The following LAGE3 variants were observed in gnomAD, a reference collection of about 807,000 sequenced individuals.
LAGE3 encodes the protein EKC/KEOPS complex subunit LAGE3.
Under a neutral mutation model 4.4 loss-of-function variants are expected in LAGE3, and 2 were observed. The observed-to-expected ratio is 0.46, with a 90% CI of 0.19 to 1.44. The LOEUF (loss-of-function observed/expected upper bound fraction) is 1.44. LAGE3 is among the 40% of genes most tolerant of loss of function. The pLI is 0.26. For missense variants in LAGE3, 152 were observed against 138.1 expected (o/e 1.10, Z -0.51); for synonymous variants, 79 against 60.0 (o/e 1.32, Z -1.47).
chrX:154,478,626 C>A (rs2069253155), intron 1 of LAGE3, 102 bp downstream of exon 1: 1 of 764,704 alleles, frequency 1.3e-6, no homozygotes, highest in African/African-American at 2.2e-5. Flanking sequence ...CCCCGGTCCC[C>A]CCCTGCTACC....
intron 2 of LAGE3, 39 bp from the exon 3 acceptor site, chrX:154,478,097 C>T (rs2069249453): frequency 8.8e-7 from 1 of 1,137,323 alleles, no homozygotes; most frequent in Admixed American, 2.2e-5. Flanking sequence ...TTGGAGGTGG[C>T]AACTCCTGGT....
Position 154,478,265 on chromosome X carries a change from G to A in LAGE3, c.317+18C>T, listed in dbSNP as rs1433624026. On this transcript the variant is annotated intron_variant, in intron 2 of 2. Coordinates refer to ENST00000357360, the MANE Select transcript of LAGE3 (RefSeq NM_006014.5). Reference sequence around the variant, plus strand: ...TCCATGGGCCGCCTCCCCCAACCCCGTCCCTTTCAGAACTTACACGACCAG... The same window carrying A: ...TCCATGGGCCGCCTCCCCCAACCCCATCCCTTTCAGAACTTACACGACCAG... 8 of 1,206,993 alleles carry A rather than the reference G, an allele frequency of 6.6e-6. No individual in the cohort carries two copies. The highest frequency in any genetic ancestry group is 1.8e-5 in the African/African-American group (1 of 56,931).
rs182473703 is a variant in LAGE3, at chrX:154,478,969, G to A, written c.-54C>T. On this transcript the variant is annotated 5_prime_UTR_variant, in exon 1 of 3. Transcript: ENST00000357360. ...CCCCGAAGCGCAGGTCCTACGCCCCGCCCTCTCTGTGGCTCCTTCCCGAAG... is the reference window on the plus strand; with the variant it reads ...CCCCGAAGCGCAGGTCCTACGCCCCACCCTCTCTGTGGCTCCTTCCCGAAG... The A allele has an allele frequency of 2.4e-5, 15 of 627,665 alleles. No homozygotes were observed. The highest frequency in any genetic ancestry group is 3.0e-5 in the Non-Finnish European group (14 of 461,962). 51.7% of individuals were successfully genotyped at this position (627,665 alleles called of 1,213,427 possible).
intron 2 of LAGE3, 64 bp from the exon 3 acceptor site, chrX:154,478,122 C>T (rs965961532): frequency 9.0e-7 from 1 of 1,107,800 alleles, no homozygotes; most frequent in Non-Finnish European, 1.2e-6. Context: ...CGCTCTGCCC[C>T]TCAGGCACCC....
Position 154,479,122 on chromosome X carries a change from G to A in LAGE3, c.-207C>T. ...CTTCTGAGACCCGGTCAGCGGTTGA[G>A]AGGCTGCGGTTTCCTCCAGAAACTC... On this transcript the variant is annotated 5_prime_UTR_variant, in exon 1 of 3. Transcript: ENST00000357360. The A allele has an allele frequency of 3.4e-6, 1 of 292,871 alleles. No homozygotes were observed. The highest frequency in any genetic ancestry group is 9.0e-4 in the Middle Eastern group (1 of 1,105). The allele number at this position is 292,871 out of a possible 1,213,427, so 24.1% of individuals were successfully genotyped here.
Position 154,478,984 on chromosome X carries a change from C to A in LAGE3, c.-69G>T. The A allele has an allele frequency of 1.8e-6, 1 of 544,836 alleles. No homozygotes were observed. The highest frequency in any genetic ancestry group is 2.6e-6 in the Non-Finnish European group (1 of 387,365). The allele number at this position is 544,836 out of a possible 1,213,427, so 44.9% of individuals were successfully genotyped here. A position where few individuals can be genotyped will look rare whatever the true frequency, so the allele number is the denominator to read the frequency against. On this transcript the variant is annotated 5_prime_UTR_variant, in exon 1 of 3. Coordinates refer to ENST00000357360, the MANE Select transcript of LAGE3 (RefSeq NM_006014.5). ...CCTACGCCCCGCCCTCTCTGTGGCT[C>A]CTTCCCGAAGCCCCGCCCCCTGCGC... is the stretch of plus-strand genomic sequence containing the variant.
Position 154,478,313 on chromosome X carries a change from T to G in LAGE3, c.287A>C (p.Asp96Ala), listed in dbSNP as rs201041758. ...AEPHQRVVGK[D>A]LTVSGRILVV... ...CAGGATCCTGCCACTCACTGTGAGA[T>G]CCTTCCCAACCACCCTTTGGTGGGG... The change falls in exon 2 of 3, where the codon GAT (aspartate) becomes GCT (alanine). Residue 96 changes from aspartate (D) to alanine (A), a missense_variant. Transcript: ENST00000357360. The G allele has an allele frequency of 8.3e-7, 1 of 1,209,499 alleles. No homozygotes were observed. Among genetic ancestry groups the G allele is most frequent in the Non-Finnish European group, 1.1e-6 (1 of 894,966 alleles).
At chrX:154,478,652 C>T in intron 1 of LAGE3, 76 bp downstream of exon 1, 3 of 933,422 alleles carry the variant, frequency 3.2e-6, no homozygotes, top group Non-Finnish European at 4.1e-6. Flanking sequence ...CGTCGGCCCC[C>T]CGCCCGCCCT....
chrX:154,478,601 G>T, intron 1 of LAGE3, 127 bp downstream of exon 1: 1 of 971,629 alleles, frequency 1.0e-6, no homozygotes, highest in Non-Finnish European at 1.3e-6. Context: ...GACCACCTCT[G>T]ACCGTATACG....
chrX:154,478,656 C>T, intron 1 of LAGE3, 72 bp downstream of exon 1: 5 of 934,592 alleles, frequency 5.3e-6, no homozygotes, highest in African/African-American at 2.1e-5. Flanking sequence ...GGCCCCCCGC[C>T]CGCCCTCCTT....
At position 154,479,233 on chromosome X, in the gene LAGE3, G is replaced by A; in HGVS notation, c.-318C>T. 1 of 228,301 alleles carries A rather than the reference G, an allele frequency of 4.4e-6. No homozygotes were observed. Among genetic ancestry groups the A allele is most frequent in the Non-Finnish European group, 8.0e-6 (1 of 125,712 alleles). The allele number at this position is 228,301 out of a possible 1,213,427, so 18.8% of individuals were successfully genotyped here. A position where few individuals can be genotyped will look rare whatever the true frequency, so the allele number is the denominator to read the frequency against. On this transcript the variant is annotated 5_prime_UTR_variant, in exon 1 of 3. Coordinates refer to ENST00000357360, the MANE Select transcript of LAGE3 (RefSeq NM_006014.5). ...GGCCCCAGGAAGCCAACCCTGACGG[G>A]GCTTTTGAAGACACCGTGGTCGCCT...
At chrX:154,478,650 CCCCG>C in intron 1 of LAGE3, 74 bp downstream of exon 1, 3 of 892,035 alleles carry the variant, frequency 3.4e-6, no homozygotes, top group Non-Finnish European at 4.3e-6. Flanking sequence ...TCCGTCGGCC[CCCCG>C]CCCGCCCTCC....
chrX:154,478,863 C>T lies in LAGE3; in HGVS notation c.53G>A (p.Arg18Gln), dbSNP rs782126361. 4 of 1,017,266 alleles carry T rather than the reference C, an allele frequency of 3.9e-6. No homozygotes were observed. The highest frequency in any genetic ancestry group is 4.0e-5 in the African/African-American group (2 of 49,982). 83.8% of individuals were successfully genotyped at this position (1,017,266 alleles called of 1,213,427 possible). Residue 18 changes from arginine (R) to glutamine (Q), a missense_variant, in exon 1 of 3, where the codon CGG becomes CAG. Physicochemically the swap from Arg to Gln is conservative, Grantham distance 43 (BLOSUM62 1). Coordinates refer to ENST00000357360, the MANE Select transcript of LAGE3 (RefSeq NM_006014.5). ...GCCCCCGCGGCAGCTGTGGCCACCC[C>T]GGCCATCCCCGCCGTCAGCGCCTCC... ...AGGGADGGDGRGGHSCRGGVD... is the reference protein window; with the variant it reads ...AGGGADGGDGQGGHSCRGGVD...
chrX:154,477,999 T>C lies in LAGE3; in HGVS notation c.377A>G (p.Gln126Arg). The change falls in exon 3 of 3, where the codon CAG becomes CGG. Residue 126 changes from glutamine (Q) to arginine (R), a missense_variant. Physicochemically the swap from Gln to Arg is conservative, Grantham distance 43 (BLOSUM62 1). Coordinates refer to ENST00000357360, the MANE Select transcript of LAGE3 (RefSeq NM_006014.5). Reference sequence around the variant, plus strand: ...CATGGTCCGCACCACCAGGGAAAGCTGGTCAAGAAAGTTGATGACGGAAAT... The same window carrying C: ...CATGGTCCGCACCACCAGGGAAAGCCGGTCAAGAAAGTTGATGACGGAAAT... ...LRISVINFLDQLSLVVRTMQR... is the reference protein window; with the variant it reads ...LRISVINFLDRLSLVVRTMQR... 1.6e-6 allele frequency: 2 copies of C among 1,212,325 alleles called. No homozygotes were observed. Among genetic ancestry groups the C allele is most frequent in the East Asian group, 3.0e-5 (1 of 33,882 alleles).
rs1557211182 is a variant in LAGE3, at chrX:154,477,902, G to A, written c.*42C>T. On this transcript the variant is annotated 3_prime_UTR_variant, in exon 3 of 3. Transcript: ENST00000357360. Reference sequence around the variant, plus strand: ...GAAGGATGGACGCACTGCCTACAAGGAGACGCAAAGTGGGACCTCGCTCCA... The same window carrying A: ...GAAGGATGGACGCACTGCCTACAAGAAGACGCAAAGTGGGACCTCGCTCCA... 8.4e-6 allele frequency: 9 copies of A among 1,075,062 alleles called. No individual in the cohort carries two copies. Among genetic ancestry groups the A allele is most frequent in the Non-Finnish European group, 1.2e-5 (9 of 771,954 alleles). 88.6% of individuals were successfully genotyped at this position (1,075,062 alleles called of 1,213,427 possible). A position where few individuals can be genotyped will look rare whatever the true frequency, so the allele number is the denominator to read the frequency against.
chrX:154,478,853 G>A lies in LAGE3; in HGVS notation c.63C>T (p.His21=). 2 of 1,035,423 alleles carry A rather than the reference G, an allele frequency of 1.9e-6. No individual in the cohort carries two copies. The highest frequency in any genetic ancestry group is 2.8e-5 in the South Asian group (1 of 35,351). The allele number at this position is 1,035,423 out of a possible 1,213,427, so 85.3% of individuals were successfully genotyped here. ...CTGTGTCCACGCCCCCGCGGCAGCT[G>A]TGGCCACCCCGGCCATCCCCGCCGT... ...GADGGDGRGG[H]SCRGGVDTAA... The change falls in exon 1 of 3, where the codon CAC becomes CAT. Residue 21 remains histidine (H), a synonymous_variant. Coordinates refer to ENST00000357360, the MANE Select transcript of LAGE3 (RefSeq NM_006014.5).
Position 154,478,892 on chromosome X carries a change from T to C in LAGE3, c.24A>G (p.Ala8=). ...CATCCCCGCCGTCAGCGCCTCCGCC[T>C]GCGTCTGCATCCGCGTCCCGCATGA... MRDADAD[A]GGGADGGDGR... The change falls in exon 1 of 3, where the codon GCA becomes GCG. Residue 8 remains alanine (A), a synonymous_variant. Coordinates refer to ENST00000357360, the MANE Select transcript of LAGE3 (RefSeq NM_006014.5). 1.0e-6 allele frequency: 1 copy of C among 998,835 alleles called. No individual in the cohort carries two copies. The highest frequency in any genetic ancestry group is 3.2e-5 in the South Asian group (1 of 31,433). 82.3% of individuals were successfully genotyped at this position (998,835 alleles called of 1,213,427 possible).
At chrX:154,478,645 C>A in intron 1 of LAGE3, 83 bp downstream of exon 1, 1 of 628,069 alleles carries the variant, frequency 1.6e-6, no homozygotes, top group Non-Finnish European at 2.1e-6. Context: ...CCCTTTCCGT[C>A]GGCCCCCCGC....
In LAGE3 at chrX:154,478,884, C is replaced by A. The variant is rs1025038377; in HGVS notation, c.32G>T (p.Gly11Val). ...ACCCCGGCCATCCCCGCCGTCAGCGCCTCCGCCTGCGTCTGCATCCGCGTC... is the reference window on the plus strand; with the variant it reads ...ACCCCGGCCATCCCCGCCGTCAGCGACTCCGCCTGCGTCTGCATCCGCGTC... The part of the protein sequence containing the change: MRDADADAGG[G>V]ADGGDGRGGH... Residue 11 changes from glycine to valine, a missense_variant, in exon 1 of 3, where the codon GGC becomes GTC. Physicochemically the swap from Gly to Val is moderately radical, Grantham distance 109. Coordinates refer to ENST00000357360, the MANE Select transcript of LAGE3 (RefSeq NM_006014.5). 1.3e-5 allele frequency: 13 copies of A among 1,005,133 alleles called. No individual in the cohort carries two copies. The highest frequency in any genetic ancestry group is 1.5e-5 in the Non-Finnish European group (12 of 797,167). 82.8% of individuals were successfully genotyped at this position (1,005,133 alleles called of 1,213,427 possible). A position where few individuals can be genotyped will look rare whatever the true frequency, so the allele number is the denominator to read the frequency against.
Sources: gnomAD v4.1 joint callset for allele counts on GRCh38, gnomAD v4.1.1 for gene constraint, MANE v1.5 for transcripts, NCBI Gene and HGNC (gene_info 2026-07-23, HGNC 2026-07-21) for gene names.